DPP6: variants seen among roughly 807,000 people sequenced by gnomAD.
DPP6 encodes dipeptidyl peptidase like 6, also known as A-type potassium channel modulatory protein DPP6.
Under a neutral mutation model 122.6 loss-of-function variants are expected in DPP6, and 69 were observed. That is an observed-to-expected ratio of 0.56 (90% CI 0.46 to 0.69). The LOEUF is 0.69. DPP6 is among the 30% of genes least tolerant of loss of function. DPP6 has a pLI of 0.00. For missense variants in DPP6, 928 were observed against 1,116.9 expected, an observed-to-expected ratio of 0.83 and a Z score of 2.41; for synonymous variants, 418 against 433.1, an observed-to-expected ratio of 0.97 and a Z score of 0.43.
chr7:154,595,939 T>C lies in DPP6; in HGVS notation c.627+29023T>C, dbSNP rs868245964. 1.1e-4 allele frequency among the ~76,000 whole-genome samples: 16 copies of C among 152,328 alleles called. 1 individual carries two copies. Among genetic ancestry groups the C allele is most frequent in the South Asian group, 1.0e-3 (5 of 4,822 alleles). ...AGCCAGGCATGGTGGCAGGCACCTA[T>C]AATCCCAGCTACTCAGGAGGCTGAG... On this transcript the variant is annotated intron_variant, in intron 5 of 25. Transcript: ENST00000377770.
chr7:154,757,744 A>G (rs1795228116), intron 8 of DPP6, among the ~76,000 whole-genome samples: 1 of 152,142 alleles, frequency 6.6e-6, no homozygotes, highest in African/African-American at 2.4e-5. Context: ...AGGATGGAAA[A>G]TCTCCGGCAC....
chr7:154,295,740 A>G (rs1224998102), intron 1 of DPP6, among the ~76,000 whole-genome samples: 1 of 152,116 alleles, frequency 6.6e-6, no homozygotes. Context: ...TAATTTTGGC[A>G]AAACACATTC....
At chr7:153,958,824 G>C (rs1795200093) in intron 1 of DPP6, among the ~76,000 whole-genome samples, 1 of 151,786 alleles carries the variant, frequency 6.6e-6, no homozygotes, top group African/African-American at 2.4e-5. Flanking sequence ...GAGGCCTTCT[G>C]TTCCTTCAGG....
chr7:154,174,436 C>G (rs963772383), intron 1 of DPP6, among the ~76,000 whole-genome samples: 3 of 152,202 alleles, frequency 2.0e-5, no homozygotes, highest in Admixed American at 6.5e-5. Flanking sequence ...AACCAGATCT[C>G]CAGTGCACGG....
chr7:154,885,911 G>C (rs1806114140), intron 22 of DPP6, among the ~76,000 whole-genome samples, 167 bp downstream of exon 22: 1 of 152,182 alleles, frequency 6.6e-6, no homozygotes, highest in Admixed American at 6.5e-5. Flanking sequence ...GGGAAGGAGA[G>C]GGAAGGGTCT....
At chr7:153,955,359 G>A (rs1802411187) in intron 1 of DPP6, among the ~76,000 whole-genome samples, 1 of 151,992 alleles carries the variant, frequency 6.6e-6, no homozygotes, top group African/African-American at 2.4e-5. Context: ...ACTTAACATG[G>A]CCTATTTTGT....
At chr7:153,847,145 A>G in the DPP6 span, among the ~76,000 whole-genome samples, 1 of 152,250 alleles carries the variant, frequency 6.6e-6, no homozygotes, top group African/African-American at 2.4e-5. Context: ...TTCTAATGTT[A>G]GAATTTCCAT....
intron 1 of DPP6, among the ~76,000 whole-genome samples, chr7:154,339,492 G>A (rs187576997): frequency 1.3e-5 from 2 of 152,196 alleles, no homozygotes; most frequent in African/African-American, 4.8e-5. Context: ...TCTACTTCCC[G>A]TAGGCTCCTG....
rs557569714 is a variant in DPP6, at chr7:154,046,714, G to A, written c.51+158980G>A. On this transcript the variant is annotated intron_variant, in intron 1 of 25. Transcript: ENST00000404039. ...GAGATGGAAAGATACACTGGAATCT[G>A]CAGTACTTGGACCTGGGGGCCAACT... Among the ~76,000 whole-genome samples the A allele has an allele frequency of 2.2e-4, 33 of 152,310 alleles. No individual in the cohort carries two copies. The East Asian group carries it at 6.2e-3, about 29-fold the overall frequency.
intron 10 of DPP6, 23 bp downstream of exon 10, chr7:154,772,965 A>C: frequency 4.4e-6 from 6 of 1,368,978 alleles, no homozygotes; most frequent in Middle Eastern, 2.0e-4. Flanking sequence ...CTATTATGTT[A>C]CCAAAAAAAA....
At chr7:153,862,051 A>G in the DPP6 span, among the ~76,000 whole-genome samples, 1 of 152,222 alleles carries the variant, frequency 6.6e-6, no homozygotes, top group African/African-American at 2.4e-5. Flanking sequence ...GAGAATTTAC[A>G]TGTGGAAGAT....
intron 7 of DPP6, among the ~76,000 whole-genome samples, chr7:154,727,333 A>G (rs1842114608): frequency 6.6e-6 from 1 of 152,186 alleles, no homozygotes. Flanking sequence ...ACTTTTAAAC[A>G]GCCAAATCTT....
rs144677597 is a variant in DPP6 at position 154,151,434 on chromosome 7, C to A, written c.243+98371C>A. Among the ~76,000 whole-genome samples the A allele has an allele frequency of 3.3e-3, 495 of 152,306 alleles. 4 individuals carry two copies. Among genetic ancestry groups the A allele is most frequent in the African/African-American group, 9.5e-3 (396 of 41,566 alleles). On this transcript the variant is annotated intron_variant, in intron 1 of 25. Coordinates refer to ENST00000377770, the MANE Select transcript of DPP6 (RefSeq NM_130797.4). Reference sequence around the variant, plus strand: ...AAGCCTGTGACCAGCAATACTGTCACTTCTTAGAAAACATTTTGGTCTCGA... The same window carrying A: ...AAGCCTGTGACCAGCAATACTGTCAATTCTTAGAAAACATTTTGGTCTCGA...
chr7:154,827,980 C>A (rs1332318992), intron 16 of DPP6, among the ~76,000 whole-genome samples: 5 of 152,122 alleles, frequency 3.3e-5, no homozygotes, highest in Non-Finnish European at 7.4e-5. Context: ...TGGAGGCACA[C>A]CTGCGTGGTG....
intron 1 of DPP6, among the ~76,000 whole-genome samples, chr7:154,251,203 G>A (rs760032995): frequency 2.4e-4 from 37 of 152,200 alleles, no homozygotes; most frequent in Non-Finnish European, 2.9e-5. Context: ...AAAGAAAGGT[G>A]TACTGTATCT....
chr7:153,767,904 G>A, the DPP6 span, among the ~76,000 whole-genome samples: 4 of 152,144 alleles, frequency 2.6e-5, no homozygotes, highest in African/African-American at 4.8e-5. Context: ...GGCAGGTGGG[G>A]CAGCACCTGG....
At chr7:153,899,276 G>A (rs938919569) in intron 1 of DPP6, among the ~76,000 whole-genome samples, 2 of 151,472 alleles carry the variant, frequency 1.3e-5, no homozygotes, top group African/African-American at 4.9e-5. Flanking sequence ...TTTGTGATAT[G>A]TCTACCCTTG....
At chr7:154,586,968 GT>G (rs1365112363) in intron 5 of DPP6, among the ~76,000 whole-genome samples, 2 of 152,136 alleles carry the variant, frequency 1.3e-5, no homozygotes, top group Non-Finnish European at 2.9e-5. Context: ...GCAAATATTC[GT>G]TGGATAAATG....
chr7:154,055,911 C>T (rs1228758167), intron 1 of DPP6: 1 of 152,250 alleles, frequency 6.6e-6, no homozygotes, highest in Non-Finnish European at 1.5e-5. Flanking sequence ...GACTTTGTAC[C>T]TGTTGTCCTT....
Sources: allele counts gnomAD v4.1 joint callset (sites outside exome capture counted in the v4.1 genomes callset), GRCh38; gene constraint gnomAD v4.1.1; transcripts MANE v1.5; gene names NCBI Gene and HGNC (gene_info 2026-07-23, HGNC 2026-07-21).